Variants in ADRA1D observed in about 807,000 individuals in gnomAD.
ADRA1D encodes adrenoceptor alpha 1D.
In ADRA1D, 22 loss-of-function variants were observed where a neutral mutation model predicts 18.6. The ratio of observed to expected loss-of-function variants is 1.19; its 90% CI spans 0.85 to 1.69. The LOEUF is 1.69. ADRA1D is among the 40% of genes most tolerant of loss of function. ADRA1D has a pLI of 0.00. For missense variants in ADRA1D, 840 were observed against 840.7 expected, an observed-to-expected ratio of 1.00 and a Z score of 0.01; for synonymous variants, 376 against 388.2, an observed-to-expected ratio of 0.97 and a Z score of 0.37.
intron 1 of ADRA1D, among the ~76,000 whole-genome samples, chr20:4,226,263 T>C (rs965695582): frequency 6.6e-6 from 1 of 152,260 alleles, no homozygotes; most frequent in African/African-American, 2.4e-5. Flanking sequence ...GAGAAGGAGC[T>C]GTAATACAAA....
At chr20:4,226,186 A>C (rs1271205690) in intron 1 of ADRA1D, among the ~76,000 whole-genome samples, 1 of 152,246 alleles carries the variant, frequency 6.6e-6, no homozygotes, top group African/African-American at 2.4e-5. Flanking sequence ...GTCATGTTGT[A>C]AACATTAATA....
Position 4,233,017 on chromosome 20 carries a change from C to G in ADRA1D, c.1112-10887G>C, listed in dbSNP as rs79396386. On this transcript the variant is annotated intron_variant, in intron 1 of 1. Coordinates refer to ENST00000379453, the MANE Select transcript of ADRA1D (RefSeq NM_000678.4). The stretch of plus-strand genomic sequence containing the variant: ...CCTGAAATTCCTCTTTCAAAAAATT[C>G]CTAACTGGGCACAGTGATGCATGTC... Among the ~76,000 whole-genome samples, 517 of 152,296 alleles carry G rather than the reference C, an allele frequency of 3.4e-3. 2 individuals are homozygous for G. Among genetic ancestry groups the G allele is most frequent in the African/African-American group, 0.012 (494 of 41,568 alleles).
intron 1 of ADRA1D, among the ~76,000 whole-genome samples, chr20:4,227,488 T>C (rs1352962540): frequency 6.6e-6 from 1 of 152,112 alleles, no homozygotes; most frequent in Non-Finnish European, 1.5e-5. Flanking sequence ...TGGCATCTAG[T>C]AGGTACCTGA....
chr20:4,222,565 T>A lies in ADRA1D; in HGVS notation c.1112-435A>T, dbSNP rs1980698078. Among the ~76,000 whole-genome samples the A allele has an allele frequency of 6.6e-6, 1 of 152,092 alleles. No homozygotes were observed. Among genetic ancestry groups the A allele is most frequent in the South Asian group, 2.1e-4 (1 of 4,830 alleles). ...CTGGAAAGATGCTTTGAAGATAAAA[T>A]AGGATAGAACATACGCCCCCGCCTC... On this transcript the variant is annotated intron_variant, in intron 1 of 1. Coordinates refer to ENST00000379453, the MANE Select transcript of ADRA1D (RefSeq NM_000678.4). This position sits in a 1 kb window ranked among gnomAD's most constrained non-coding sequence, Gnocchi z 4.3.
intron 1 of ADRA1D, among the ~76,000 whole-genome samples, chr20:4,227,734 CCTTCCTT>C (rs1980849604): frequency 4.2e-5 from 5 of 118,872 alleles, no homozygotes; most frequent in African/African-American, 1.6e-4. Flanking sequence ...TTCCTTCCTT[CCTTCCTT>C]CCTTCCTTCT....
intron 1 of ADRA1D, among the ~76,000 whole-genome samples, chr20:4,228,941 G>A (rs1198730359): frequency 6.6e-6 from 1 of 152,110 alleles, no homozygotes; most frequent in Non-Finnish European, 1.5e-5. Context: ...ACCTCACTCT[G>A]CTCTGCTGCT....
At chr20:4,233,198 G>A (rs889652305) in intron 1 of ADRA1D, among the ~76,000 whole-genome samples, 3 of 151,962 alleles carry the variant, frequency 2.0e-5, no homozygotes, top group Admixed American at 6.6e-5. Context: ...GGTGGCTCAC[G>A]CATATAAATC....
chr20:4,236,582 G>T (rs944364700), intron 1 of ADRA1D, among the ~76,000 whole-genome samples: 5 of 152,182 alleles, frequency 3.3e-5, no homozygotes, highest in Non-Finnish European at 7.3e-5. Flanking sequence ...AGAGGACCGA[G>T]CCCCTGTGGC....
chr20:4,247,901 C>T lies in ADRA1D; in HGVS notation c.1057G>A (p.Val353Ile), dbSNP rs187722174. ...EKKAAKTLAI[V>I]VGVFVLCWFP... is the part of the protein sequence containing the mutation. ...CAGCAGAGCACGAAGACACCCACGA[C>T]GATGGCCAGAGTCTTGGCCGCTTTC... The change falls in exon 1 of 2, where the codon GTC becomes ATC. Residue 353 changes from valine to isoleucine, a missense_variant. Coordinates refer to ENST00000379453, the MANE Select transcript of ADRA1D (RefSeq NM_000678.4). The T allele has an allele frequency of 1.3e-6, 2 of 1,596,226 alleles. No individual in the cohort carries two copies. The highest frequency in any genetic ancestry group is 2.3e-5 in the East Asian group (1 of 44,288).
At chr20:4,225,488 C>T (rs1390565792) in intron 1 of ADRA1D, among the ~76,000 whole-genome samples, 1 of 136,994 alleles carries the variant, frequency 7.3e-6, no homozygotes, top group Non-Finnish European at 1.5e-5. Context: ...ACTTCAGTGG[C>T]ACGCTCTTGG....
chr20:4,233,244 T>C (rs1291978098), intron 1 of ADRA1D, among the ~76,000 whole-genome samples: 1 of 152,102 alleles, frequency 6.6e-6, no homozygotes, highest in East Asian at 1.9e-4. Context: ...GTGAATCTCT[T>C]GAGCCCAGGA....
At chr20:4,233,928 C>T (rs1027646345) in intron 1 of ADRA1D, among the ~76,000 whole-genome samples, 5 of 152,302 alleles carry the variant, frequency 3.3e-5, no homozygotes, top group Admixed American at 6.5e-5. Context: ...TGTGCTGAGT[C>T]GCCATCCAGC....
intron 1 of ADRA1D, among the ~76,000 whole-genome samples, chr20:4,242,435 C>T (rs1031384145): frequency 1.5e-4 from 23 of 152,204 alleles, no homozygotes; most frequent in African/African-American, 5.6e-4. Flanking sequence ...GTTCCCTTTG[C>T]CCTCACACTT....
rs1980769556 is a variant in ADRA1D at position 4,225,300 on chromosome 20, A to G, written c.1112-3170T>C. ...AAGCGTGAGCTACCGTGCCTGGCCCATCTAAGTCTTACTTTCCTTTTAATA... is the reference window on the plus strand; with the variant it reads ...AAGCGTGAGCTACCGTGCCTGGCCCGTCTAAGTCTTACTTTCCTTTTAATA... On this transcript the variant is annotated intron_variant, in intron 1 of 1. Coordinates refer to ENST00000379453, the MANE Select transcript of ADRA1D (RefSeq NM_000678.4). 2.0e-5 allele frequency among the ~76,000 whole-genome samples: 3 copies of G among 151,676 alleles called. No homozygotes were observed. In the South Asian group the frequency reaches 6.3e-4, roughly 32 times the overall value.
intron 1 of ADRA1D, among the ~76,000 whole-genome samples, chr20:4,227,905 C>T (rs1456010431): frequency 6.6e-6 from 1 of 150,880 alleles, no homozygotes; most frequent in Middle Eastern, 3.2e-3. Context: ...CTGCTCCTGG[C>T]CCCTGCAGTG....
rs929739939 is a variant in ADRA1D, at chr20:4,221,537, C to T, written c.1705G>A (p.Glu569Lys). Reference protein sequence around the residue: ...YELADYSNLRETDI With the variant: ...YELADYSNLRKTDI ...CTCTGGGGTCCTTAAATATCGGTCT[C>T]CCGTAGGTTGCTGTAGTCGGCCAAT... Residue 569 changes from glutamate (E) to lysine (K), a missense_variant, in exon 2 of 2, where the codon GAG becomes AAG. Coordinates refer to ENST00000379453, the MANE Select transcript of ADRA1D (RefSeq NM_000678.4). 1.2e-6 allele frequency: 2 copies of T among 1,610,800 alleles called. No homozygotes were observed. The highest frequency in any genetic ancestry group is 4.5e-5 in the East Asian group (2 of 44,760).
chr20:4,225,567 G>T (rs1228513364), intron 1 of ADRA1D, among the ~76,000 whole-genome samples: 1 of 151,576 alleles, frequency 6.6e-6, no homozygotes, highest in Non-Finnish European at 1.5e-5. Context: ...GACTACAGGG[G>T]TGCACCATCA....
intron 1 of ADRA1D, among the ~76,000 whole-genome samples, chr20:4,227,695 C>T (rs1406035734): frequency 5.7e-5 from 3 of 52,222 alleles, no homozygotes; most frequent in African/African-American, 2.0e-4. Context: ...TCTCTCCCTC[C>T]CTCCCTCCCT....
chr20:4,235,583 A>C (rs1316090403), intron 1 of ADRA1D, among the ~76,000 whole-genome samples: 2 of 152,228 alleles, frequency 1.3e-5, no homozygotes, highest in Non-Finnish European at 2.9e-5. Context: ...CCCTGATCCA[A>C]GCATGAGCCT....
Sources: gnomAD v4.1 joint callset for allele counts (sites outside exome capture counted in the v4.1 genomes callset) on GRCh38, gnomAD v4.1.1 for gene constraint, Gnocchi (gnomAD v3.1) non-coding constraint, MANE v1.5 for transcripts, NCBI Gene and HGNC (gene_info 2026-07-23, HGNC 2026-07-21) for gene names.